Variants in SLC7A2 observed in about 807,000 individuals in gnomAD.
The protein encoded by SLC7A2 is solute carrier family 7 member 2.
SLC7A2 carries 48 observed loss-of-function variants against 58.9 expected under a neutral mutation model. That is an observed-to-expected ratio of 0.82 (90% confidence interval 0.65 to 1.04). The LOEUF (loss-of-function observed/expected upper bound fraction) is 1.04. Among genes scored for constraint, SLC7A2 ranks in the 50% least tolerant of loss-of-function variants. The pLI is 0.00. For synonymous variants in SLC7A2, 363 were observed against 314.5 expected (o/e 1.15, Z -1.63); for missense variants, 1,029 against 818.8 (o/e 1.26, Z -3.13).
At chr8:17,554,801 G>A (rs1802614897) in intron 8 of SLC7A2, 102 bp downstream of exon 8, 1 of 1,452,986 alleles carries the variant, frequency 6.9e-7, no homozygotes, top group African/African-American at 1.4e-5. Context: ...TGATTTCCAA[G>A]AAGTTCAGTC....
chr8:17,529,682 C>T (rs1801363120), intron 2 of SLC7A2, among the ~76,000 whole-genome samples: 2 of 151,952 alleles, frequency 1.3e-5, no homozygotes, highest in Admixed American at 1.3e-4. Context: ...TTATATGTGT[C>T]CACCACCATG....
rs878884916 is a variant in SLC7A2, at chr8:17,566,901, C to T, written c.*1755C>T. ...CCAAGACAAGGAAAACATTCGTTTT[C>T]CTCATGGGTCTTCCAAGAAATGAGC... On this transcript the variant is annotated 3_prime_UTR_variant, in exon 13 of 13. Transcript: ENST00000494857. 6.6e-6 allele frequency: 1 copy of T among 152,306 alleles called. No homozygotes were observed. Among genetic ancestry groups the T allele is most frequent in the Admixed American group, 6.5e-5 (1 of 15,282 alleles). 9.4% of individuals were successfully genotyped at this position (152,306 alleles called of 1,614,324 possible).
rs139071504 is a variant in SLC7A2, at chr8:17,549,800, T to C, written c.699-501T>C. Among the ~76,000 whole-genome samples the C allele has an allele frequency of 4.3e-3, 659 of 152,350 alleles. 6 individuals carry two copies. Among genetic ancestry groups the C allele is most frequent in the African/African-American group, 0.015 (631 of 41,582 alleles). ...CTATAAACTTACATAGTTTTTAACA[T>C]ATAATAAAATATTCAATTTCATTAT... On this transcript the variant is annotated intron_variant, in intron 5 of 12. Transcript: ENST00000494857.
chr8:17,549,750 T>G (rs1394397683), intron 5 of SLC7A2, among the ~76,000 whole-genome samples: 1 of 152,224 alleles, frequency 6.6e-6, no homozygotes, highest in Non-Finnish European at 1.5e-5. Flanking sequence ...GTTTAGTCAT[T>G]CCAATAAGGG....
upstream of SLC7A2, chr8:17,497,024 G>T (rs1227945421): frequency 6.9e-6 from 1 of 144,970 alleles, no homozygotes; most frequent in African/African-American, 2.5e-5. Flanking sequence ...AGGCGGTGCC[G>T]CCCGGCCCCG....
chr8:17,515,822 A>T (rs1800782910), intron 2 of SLC7A2, among the ~76,000 whole-genome samples: 2 of 152,230 alleles, frequency 1.3e-5, no homozygotes, highest in Admixed American at 1.3e-4. Flanking sequence ...AAACTGTTCC[A>T]CAAAATTCCT....
intron 2 of SLC7A2, among the ~76,000 whole-genome samples, chr8:17,505,256 A>G (rs1012061564): frequency 3.9e-5 from 6 of 152,156 alleles, no homozygotes; most frequent in African/African-American, 1.2e-4. Context: ...CAAGATAAGA[A>G]CCTTGGAATG....
At chr8:17,530,293 C>T (rs763278800) in intron 2 of SLC7A2, among the ~76,000 whole-genome samples, 3 of 152,100 alleles carry the variant, frequency 2.0e-5, no homozygotes, top group East Asian at 1.9e-4. Context: ...GCTCGGATGG[C>T]CTGGGAGCCG....
At chr8:17,562,212 T>A in intron 11 of SLC7A2, 102 bp downstream of exon 11, 1 of 657,604 alleles carries the variant, frequency 1.5e-6, no homozygotes, top group East Asian at 3.3e-5. Flanking sequence ...TTTTTTTTTT[T>A]TTTGGAGATG....
chr8:17,554,337 A>G (rs939050994), intron 7 of SLC7A2, among the ~76,000 whole-genome samples: 1 of 152,180 alleles, frequency 6.6e-6, no homozygotes, highest in Non-Finnish European at 1.5e-5. Flanking sequence ...CTGCGTACTT[A>G]TCTGTAACAG....
intron 2 of SLC7A2, among the ~76,000 whole-genome samples, chr8:17,534,130 T>G (rs1299315936): frequency 6.6e-6 from 1 of 152,184 alleles, no homozygotes; most frequent in Non-Finnish European, 1.5e-5. Flanking sequence ...TTCCATAGTG[T>G]GTATATACCA....
At chr8:17,534,172 C>G (rs1208641245) in intron 2 of SLC7A2, among the ~76,000 whole-genome samples, 1 of 152,102 alleles carries the variant, frequency 6.6e-6, no homozygotes, top group Non-Finnish European at 1.5e-5. Context: ...TATTGATGGG[C>G]ACAGGCTATT....
intron 1 of SLC7A2, chr8:17,498,497 T>A (rs1250507085): frequency 6.6e-6 from 1 of 152,232 alleles, no homozygotes; most frequent in Admixed American, 6.5e-5. Context: ...TTATTTTAAT[T>A]GCACTGAAGC....
At chr8:17,514,529 T>G (rs1314490850) in intron 2 of SLC7A2, among the ~76,000 whole-genome samples, 2 of 152,148 alleles carry the variant, frequency 1.3e-5, no homozygotes, top group African/African-American at 4.8e-5. Context: ...AGGTTGACCC[T>G]GGAAGCTAAT....
chr8:17,544,339 A>T (rs541805697), intron 3 of SLC7A2, 112 bp from the exon 4 acceptor site: 1 of 845,374 alleles, frequency 1.2e-6, no homozygotes, highest in East Asian at 2.4e-5. Context: ...TGTATATGTG[A>T]TTAAAATTTT....
chr8:17,516,213 T>TTTAA (rs1284248894), intron 2 of SLC7A2, among the ~76,000 whole-genome samples: 4 of 133,936 alleles, frequency 3.0e-5, no homozygotes, highest in African/African-American at 1.1e-4. Flanking sequence ...ATTTTATTTA[T>TTTAA]TTAATTAATT....
In SLC7A2 at chr8:17,566,352, G is replaced by A. The variant is rs766136135; in HGVS notation, c.*1206G>A. ...AAAATCCCCCTGTTCTGATAGGAACGGCCTGTTCCATTGTTAAATGGCAAA... is the reference window on the plus strand; with the variant it reads ...AAAATCCCCCTGTTCTGATAGGAACAGCCTGTTCCATTGTTAAATGGCAAA... On this transcript the variant is annotated 3_prime_UTR_variant, in exon 13 of 13. Transcript: ENST00000494857. The A allele has an allele frequency of 4.6e-5, 7 of 152,142 alleles. No individual in the cohort carries two copies. Among genetic ancestry groups the A allele is most frequent in the Non-Finnish European group, 7.4e-5 (5 of 68,024 alleles). The allele number at this position is 152,142 out of a possible 1,614,324, so 9.4% of individuals were successfully genotyped here. A position where few individuals can be genotyped will look rare whatever the true frequency, so the allele number is the denominator to read the frequency against.
intron 2 of SLC7A2, among the ~76,000 whole-genome samples, chr8:17,510,189 C>T (rs1034589644): frequency 3.3e-5 from 5 of 151,934 alleles, no homozygotes; most frequent in Non-Finnish European, 7.4e-5. Flanking sequence ...CGCTGCACTC[C>T]AGCCTGGGTG....
chr8:17,503,816 A>C (rs1029328403), intron 2 of SLC7A2, among the ~76,000 whole-genome samples: 2 of 152,180 alleles, frequency 1.3e-5, no homozygotes, highest in African/African-American at 4.8e-5. Flanking sequence ...TTTATGTTTG[A>C]ATTCACCAGC....
Sources: gnomAD v4.1 joint callset for allele counts (sites outside exome capture counted in the v4.1 genomes callset) on GRCh38, gnomAD v4.1.1 for gene constraint, MANE v1.5 for transcripts, NCBI Gene and HGNC (gene_info 2026-07-23, HGNC 2026-07-21) for gene names.